PTPRO: variants seen among roughly 807,000 people sequenced by gnomAD.
PTPRO encodes protein tyrosine phosphatase receptor type O.
In PTPRO, 62 loss-of-function variants were observed where a neutral mutation model predicts 145.2. That is an observed-to-expected ratio of 0.43 (90% confidence interval 0.35 to 0.53). The LOEUF (loss-of-function observed/expected upper bound fraction) is 0.53. PTPRO is among the 20% of genes least tolerant of loss of function. The pLI is 0.01. For missense variants in PTPRO, 1,345 were observed against 1,482.7 expected (o/e 0.91, Z 1.53); for synonymous variants, 565 against 514.7 (o/e 1.10, Z -1.32).
At position 15,448,339 on chromosome 12, in the gene PTPRO, T is replaced by TAAAAAAAAAAAAAAAAAAAAAAAAAA. The variant is rs56136736; in HGVS notation, c.76-35614_76-35613insAAAAAAAAAAAAAAAAAAAAAAAAAA. On this transcript the variant is annotated intron_variant, in intron 1 of 26. Transcript: ENST00000281171. ...CTCTATTCTATCTTCCTGTTCCTAGTAAAAAAAAAAAAAAAAAAAAAGCAC... is the reference window on the plus strand; with the variant it reads ...CTCTATTCTATCTTCCTGTTCCTAGTAAAAAAAAAAAAAAAAAAAAAAAAAAAAAAAAAAAAAAAAAAAAAAAGCAC... Among the ~76,000 whole-genome samples, 2 of 45,046 alleles carry TAAAAAAAAAAAAAAAAAAAAAAAAAA rather than the reference T, an allele frequency of 4.4e-5. 1 individual carries two copies. The allele number at this position is 45,046 out of a possible 152,430, so 29.6% of individuals were successfully genotyped here. A position where few individuals can be genotyped will look rare whatever the true frequency, so the allele number is the denominator to read the frequency against.
At chr12:15,395,888 A>C (rs780616945) in intron 1 of PTPRO, among the ~76,000 whole-genome samples, 4 of 152,128 alleles carry the variant, frequency 2.6e-5, no homozygotes, top group Non-Finnish European at 4.4e-5. Context: ...CTGGTGTGCC[A>C]GAAAAGATTG....
At chr12:15,555,582 G>C (rs1295405276) in intron 15 of PTPRO, among the ~76,000 whole-genome samples, 1 of 152,174 alleles carries the variant, frequency 6.6e-6, no homozygotes, top group Non-Finnish European at 1.5e-5. Context: ...GTAAATGTTA[G>C]CTCATAATAG....
chr12:15,402,614 G>A (rs1013076384), intron 1 of PTPRO, among the ~76,000 whole-genome samples: 5 of 151,988 alleles, frequency 3.3e-5, no homozygotes, highest in Non-Finnish European at 7.4e-5. Context: ...ATTGTTAAAC[G>A]TTATGTTTCT....
At chr12:15,459,435 C>G (rs1941253287) in intron 1 of PTPRO, among the ~76,000 whole-genome samples, 1 of 152,214 alleles carries the variant, frequency 6.6e-6, no homozygotes, top group East Asian at 1.9e-4. Context: ...CTTTCCTTCC[C>G]TCTCCGGAGA....
At chr12:15,497,695 T>G (rs1942136633) in intron 3 of PTPRO, among the ~76,000 whole-genome samples, 2 of 152,336 alleles carry the variant, frequency 1.3e-5, no homozygotes, top group Non-Finnish European at 2.9e-5. Flanking sequence ...GGAAATAAAT[T>G]CAGACTTAAG....
intron 1 of PTPRO, among the ~76,000 whole-genome samples, chr12:15,357,207 C>T (rs1232565655): frequency 6.6e-6 from 1 of 152,226 alleles, no homozygotes; most frequent in Non-Finnish European, 1.5e-5. Context: ...GCCTCTCCAT[C>T]TCTAATTACT....
At chr12:15,383,304 C>CT (rs1018096986) in intron 1 of PTPRO, among the ~76,000 whole-genome samples, 4 of 152,032 alleles carry the variant, frequency 2.6e-5, no homozygotes, top group Non-Finnish European at 5.9e-5. Flanking sequence ...GAACTTTCTT[C>CT]TTTTTTAAGA....
intron 1 of PTPRO, among the ~76,000 whole-genome samples, chr12:15,434,059 A>G (rs184872375): frequency 1.3e-5 from 2 of 152,290 alleles, no homozygotes; most frequent in African/African-American, 2.4e-5. Context: ...TAATATGCAT[A>G]TCTTGGGTTC....
chr12:15,405,308 T>C (rs1056656866), intron 1 of PTPRO, among the ~76,000 whole-genome samples: 2 of 152,214 alleles, frequency 1.3e-5, no homozygotes, highest in African/African-American at 4.8e-5. Context: ...AGAAAGCCTA[T>C]CTTGATGGTT....
At chr12:15,389,165 G>A (rs996594303) in intron 1 of PTPRO, among the ~76,000 whole-genome samples, 26 of 150,452 alleles carry the variant, frequency 1.7e-4, no homozygotes, top group Non-Finnish European at 2.5e-4. Flanking sequence ...GTGCAGTGGC[G>A]CGATCTCGGC....
At chr12:15,570,836 G>A (rs1489662453) in intron 19 of PTPRO, among the ~76,000 whole-genome samples, 1 of 152,080 alleles carries the variant, frequency 6.6e-6, no homozygotes, top group African/African-American at 2.4e-5. Context: ...CCTTCAAGAT[G>A]GCATGCCCTT....
At chr12:15,403,351 G>A (rs1939552744) in intron 1 of PTPRO, among the ~76,000 whole-genome samples, 2 of 152,164 alleles carry the variant, frequency 1.3e-5, no homozygotes, top group Admixed American at 6.5e-5. Context: ...GGGAGGCCGA[G>A]GCGGATGGAT....
chr12:15,466,176 G>A (rs534037933), intron 1 of PTPRO, among the ~76,000 whole-genome samples: 2 of 151,448 alleles, frequency 1.3e-5, no homozygotes, highest in Admixed American at 6.6e-5. Context: ...TAATCCTGTT[G>A]TTTTCATAAT....
intron 1 of PTPRO, among the ~76,000 whole-genome samples, chr12:15,400,237 C>A (rs760654746): frequency 6.6e-6 from 1 of 151,646 alleles, no homozygotes; most frequent in Non-Finnish European, 1.5e-5. Context: ...GTGATCCACC[C>A]GCCTTGGCCT....
chr12:15,524,637 G>GTAT lies in PTPRO; in HGVS notation c.1892-177_1892-176insTAT, dbSNP rs199734172. Among the ~76,000 whole-genome samples, 737 of 152,250 alleles carry GTAT rather than the reference G, an allele frequency of 4.8e-3. 6 individuals are homozygous for GTAT. Among genetic ancestry groups the GTAT allele is most frequent in the African/African-American group, 0.017 (707 of 41,552 alleles). On this transcript the variant is annotated intron_variant, in intron 10 of 26. Coordinates refer to ENST00000281171, the MANE Select transcript of PTPRO (RefSeq NM_030667.3). Reference sequence around the variant, plus strand: ...AGATGTGGGATCCCATTAAACAAGTGCCCATCCTGTATCACCATCCTTCAC... The same window carrying GTAT: ...AGATGTGGGATCCCATTAAACAAGTGTATCCCATCCTGTATCACCATCCTTCAC...
chr12:15,496,253 C>T (rs1399465600), intron 2 of PTPRO, among the ~76,000 whole-genome samples: 1 of 146,012 alleles, frequency 6.8e-6, no homozygotes, highest in East Asian at 2.1e-4. Context: ...AGTGATTCTC[C>T]TGCCTCAGCC....
chr12:15,521,683 A>G (rs1344923328), intron 10 of PTPRO, among the ~76,000 whole-genome samples: 1 of 152,176 alleles, frequency 6.6e-6, no homozygotes, highest in East Asian at 1.9e-4. Flanking sequence ...CTAAATAGGC[A>G]CTAAAGCCTA....
intron 2 of PTPRO, among the ~76,000 whole-genome samples, chr12:15,492,502 G>C (rs1024736337): frequency 5.3e-5 from 8 of 152,002 alleles, no homozygotes; most frequent in Middle Eastern, 3.4e-3. Flanking sequence ...GATTCCAGGA[G>C]TTCAAATCAA....
In PTPRO at chr12:15,439,009, A is replaced by G. The variant is rs528495763; in HGVS notation, c.76-44965A>G. Among the ~76,000 whole-genome samples the G allele has an allele frequency of 3.3e-5, 5 of 152,224 alleles. No individual in the cohort carries two copies. In the South Asian group the frequency reaches 1.0e-3, roughly 32 times the overall value. Reference sequence around the variant, plus strand: ...AGATCTTAAGATCTTTCCTTAGGTAAAGATCTTAAAGATCTGCTAGAGGAC... The same window carrying G: ...AGATCTTAAGATCTTTCCTTAGGTAGAGATCTTAAAGATCTGCTAGAGGAC... On this transcript the variant is annotated intron_variant, in intron 1 of 26. Transcript: ENST00000281171.
Sources: gnomAD v4.1 joint callset for allele counts (sites outside exome capture counted in the v4.1 genomes callset) on GRCh38, gnomAD v4.1.1 for gene constraint, MANE v1.5 for transcripts, NCBI Gene and HGNC (gene_info 2026-07-23, HGNC 2026-07-21) for gene names.